DCDC2: variants seen among roughly 807,000 people sequenced by gnomAD.
The protein encoded by DCDC2 is doublecortin domain-containing protein 2.
A neutral mutation model predicts 50.2 loss-of-function variants in DCDC2; 40 were observed. The ratio of observed to expected loss-of-function variants is 0.80; its 90% CI spans 0.62 to 1.04. DCDC2 has a LOEUF of 1.04. Ranked by LOEUF, DCDC2 falls within the 50% of genes least tolerant of loss-of-function variation. The pLI, the probability that DCDC2 is intolerant of heterozygous loss-of-function variation, is 0.00. For missense variants in DCDC2, 570 were observed against 581.9 expected, an observed-to-expected ratio of 0.98 and a Z score of 0.21; for synonymous variants, 234 against 210.6, an observed-to-expected ratio of 1.11 and a Z score of -0.96.
intron 7 of DCDC2, among the ~76,000 whole-genome samples, chr6:24,216,326 A>AG (rs1761974832): frequency 6.6e-6 from 1 of 151,704 alleles, no homozygotes; most frequent in African/African-American, 2.4e-5. Context: ...AAAAGGTAAC[A>AG]GGAAAAAAAA....
intron 2 of DCDC2, among the ~76,000 whole-genome samples, chr6:24,323,287 T>G (rs1759802786): frequency 6.6e-6 from 1 of 152,210 alleles, no homozygotes; most frequent in Admixed American, 6.5e-5. Context: ...GTTGGTAGTT[T>G]GGTAGTTTTC....
At chr6:24,332,153 C>T (rs1205854497) in intron 2 of DCDC2, among the ~76,000 whole-genome samples, 2 of 152,176 alleles carry the variant, frequency 1.3e-5, no homozygotes, top group Non-Finnish European at 2.9e-5. Context: ...AAAATGGCCA[C>T]AGCAATATTT....
At chr6:24,280,770 C>T (rs1763452831) in intron 6 of DCDC2, among the ~76,000 whole-genome samples, 1 of 151,990 alleles carries the variant, frequency 6.6e-6, no homozygotes, top group Non-Finnish European at 1.5e-5. Context: ...GAACTCCTGA[C>T]CTCAGGTGAT....
intron 2 of DCDC2, among the ~76,000 whole-genome samples, chr6:24,323,116 A>T (rs929446599): frequency 7.9e-5 from 12 of 152,378 alleles, no homozygotes; most frequent in Non-Finnish European, 8.8e-5. Context: ...AGGCCGAGGC[A>T]GGAGGATCAC....
At chr6:24,228,230 G>A (rs939577922) in intron 7 of DCDC2, among the ~76,000 whole-genome samples, 1 of 152,190 alleles carries the variant, frequency 6.6e-6, no homozygotes, top group African/African-American at 2.4e-5. Flanking sequence ...TCTTCTTACT[G>A]CAGACAAGAG....
chr6:24,217,938 TAAAA>T (rs1762018700), intron 7 of DCDC2, among the ~76,000 whole-genome samples: 1 of 152,218 alleles, frequency 6.6e-6, no homozygotes, highest in Non-Finnish European at 1.5e-5. Context: ...CTGCTGCCAA[TAAAA>T]GGCAGATAAA....
chr6:24,253,295 T>C (rs768263818), intron 7 of DCDC2, among the ~76,000 whole-genome samples: 127 of 152,234 alleles, frequency 8.3e-4, no homozygotes, highest in African/African-American at 2.6e-3. Context: ...AGAATAAAAA[T>C]AGTACATTAT....
At chr6:24,204,003 G>T (rs565602955) in intron 8 of DCDC2, among the ~76,000 whole-genome samples, 12 of 152,292 alleles carry the variant, frequency 7.9e-5, no homozygotes, top group Admixed American at 7.2e-4. Context: ...TGCTGGAGAG[G>T]ATGTGGAGAA....
At chr6:24,279,375 G>C (rs1268157163) in intron 6 of DCDC2, among the ~76,000 whole-genome samples, 6 of 152,022 alleles carry the variant, frequency 3.9e-5, no homozygotes, top group Non-Finnish European at 7.4e-5. Flanking sequence ...AGGAGTTTGA[G>C]GCCAGACTAA....
chr6:24,301,266 G>C (rs889878079), intron 4 of DCDC2, among the ~76,000 whole-genome samples: 2 of 150,840 alleles, frequency 1.3e-5, no homozygotes, highest in African/African-American at 4.9e-5. Flanking sequence ...AGCTACTCGG[G>C]AGGCTGAGGC....
At chr6:24,204,691 T>C (rs972843770) in intron 8 of DCDC2, among the ~76,000 whole-genome samples, 10 of 152,250 alleles carry the variant, frequency 6.6e-5, no homozygotes, top group Admixed American at 5.9e-4. Context: ...CCCAAACCAA[T>C]ACTCTTTTTT....
At chr6:24,237,985 A>G (rs12211099) in intron 7 of DCDC2, among the ~76,000 whole-genome samples, 147,263 of 148,984 alleles carry the variant, frequency 0.99, 72,797 homozygotes, top group Middle Eastern at 1. Context: ...CTTACTACCC[A>G]AGTGATGGTT....
Position 24,342,462 on chromosome 6 carries a change from T to C in DCDC2, c.348+11107A>G, listed in dbSNP as rs115300769. Among the ~76,000 whole-genome samples the C allele has an allele frequency of 7.9e-3, 1,197 of 152,332 alleles. 8 individuals carry two copies. Among genetic ancestry groups the C allele is most frequent in the African/African-American group, 0.027 (1,108 of 41,584 alleles). ...GCAGTCTTCTTGCACCAGCCACTTC[T>C]CCGTGGAGTGTGGCAGCTGGGCAGC... is the stretch of plus-strand genomic sequence containing the variant. On this transcript the variant is annotated intron_variant, in intron 2 of 9. Transcript: ENST00000378454.
At chr6:24,209,048 C>A (rs115501309) in intron 7 of DCDC2, among the ~76,000 whole-genome samples, 2 of 152,108 alleles carry the variant, frequency 1.3e-5, no homozygotes, top group African/African-American at 4.8e-5. Flanking sequence ...GAATTGCCAA[C>A]AAGGCCAAAA....
intron 8 of DCDC2, among the ~76,000 whole-genome samples, chr6:24,193,087 C>A (rs959828190): frequency 2.0e-5 from 3 of 151,974 alleles, no homozygotes; most frequent in Admixed American, 6.6e-5. Flanking sequence ...ATTGAAGAAT[C>A]CCCTCACAAT....
chr6:24,195,493 T>C (rs561032779), intron 8 of DCDC2, among the ~76,000 whole-genome samples: 2 of 152,310 alleles, frequency 1.3e-5, no homozygotes, highest in South Asian at 2.1e-4. Flanking sequence ...CTTTGCACCA[T>C]AGGGAGACAT....
the DCDC2 span, among the ~76,000 whole-genome samples, chr6:24,380,834 C>G: frequency 6.6e-6 from 1 of 152,230 alleles, no homozygotes; most frequent in Non-Finnish European, 1.5e-5. Context: ...TAGCTCATAC[C>G]TGTAATCCCA....
chr6:24,380,161 C>T, the DCDC2 span, among the ~76,000 whole-genome samples: 9 of 152,024 alleles, frequency 5.9e-5, no homozygotes, highest in Non-Finnish European at 1.3e-4. Flanking sequence ...GCACATTGTG[C>T]ACGTGTATCC....
chr6:24,345,615 A>T (rs1371370753), intron 2 of DCDC2, among the ~76,000 whole-genome samples: 1 of 152,052 alleles, frequency 6.6e-6, no homozygotes, highest in African/African-American at 2.4e-5. Context: ...GAAGGCTGCT[A>T]CTCTCTGGGA....
Sources: gnomAD v4.1 joint callset for allele counts (sites outside exome capture counted in the v4.1 genomes callset) on GRCh38, gnomAD v4.1.1 for gene constraint, MANE v1.5 for transcripts, NCBI Gene and HGNC (gene_info 2026-07-23, HGNC 2026-07-21) for gene names.